The following OGDH variants were observed in gnomAD, a reference collection of about 807,000 sequenced individuals.
OGDH encodes the protein oxoglutarate dehydrogenase.
Under a neutral mutation model 116.6 loss-of-function variants are expected in OGDH, and 38 were observed. The ratio of observed to expected loss-of-function variants is 0.33; its 90% CI spans 0.25 to 0.43. OGDH has a LOEUF of 0.43. Among genes scored for constraint, OGDH ranks in the 20% least tolerant of loss-of-function variants. The pLI, the probability that OGDH is intolerant of heterozygous loss-of-function variation, is 1.00. For synonymous variants in OGDH, 488 were observed against 533.3 expected (o/e 0.92, Z 1.17); for missense variants, 825 against 1,357.2 (o/e 0.61, Z 6.16).
intron 4 of OGDH, among the ~76,000 whole-genome samples, chr7:44,659,416 T>C (rs1786838258): frequency 6.6e-6 from 1 of 152,248 alleles, no homozygotes; most frequent in Non-Finnish European, 1.5e-5. Flanking sequence ...ATAAAATGAA[T>C]TGAGAAGTGT....
intron 10 of OGDH, among the ~76,000 whole-genome samples, chr7:44,692,966 A>G (rs1326774038): frequency 6.6e-6 from 1 of 151,000 alleles, no homozygotes; most frequent in Admixed American, 6.7e-5. Context: ...CGATTGCACC[A>G]CTGCACTCCA....
At chr7:44,613,651 G>A (rs1306732607) in intron 1 of OGDH, among the ~76,000 whole-genome samples, 6 of 150,816 alleles carry the variant, frequency 4.0e-5, no homozygotes, top group Non-Finnish European at 7.4e-5. Flanking sequence ...GAGCCACCAC[G>A]CCCGGCTATA....
At chr7:44,656,421 G>A in intron 4 of OGDH, 2 of 1,464,196 alleles carry the variant, frequency 1.4e-6, no homozygotes, top group Non-Finnish European at 1.8e-6. Context: ...TGAATAGGAT[G>A]TGCAACTTTT....
intron 2 of OGDH, among the ~76,000 whole-genome samples, chr7:44,632,893 G>A (rs1447431769): frequency 6.6e-6 from 1 of 151,306 alleles, no homozygotes; most frequent in African/African-American, 2.4e-5. Context: ...TTATCCTTTT[G>A]TACTGTACTT....
chr7:44,707,554 T>C lies in OGDH; in HGVS notation c.2797-28T>C. On this transcript the variant is annotated intron_variant, in intron 21 of 22. Coordinates refer to ENST00000222673, the MANE Select transcript of OGDH (RefSeq NM_002541.4). This position sits in a 1 kb window ranked among gnomAD's most constrained non-coding sequence, Gnocchi z 5.2. ...CTTGCCTGCCCTCTGAGTTTCCTCT[T>C]TTTGATCTGACCCCTGCTGTCTCCT... The C allele has an allele frequency of 6.2e-7, 1 of 1,612,040 alleles. No homozygotes were observed. The highest frequency in any genetic ancestry group is 8.5e-7 in the Non-Finnish European group (1 of 1,179,404).
At chr7:44,675,335 C>A (rs1787646013) in intron 8 of OGDH, 67 bp downstream of exon 8, 3 of 1,300,018 alleles carry the variant, frequency 2.3e-6, no homozygotes, top group Non-Finnish European at 3.3e-6. Flanking sequence ...GGCTCCACTT[C>A]TTTCTTAGAA....
intron 1 of OGDH, among the ~76,000 whole-genome samples, chr7:44,607,603 C>T (rs978673002): frequency 6.6e-6 from 1 of 152,082 alleles, no homozygotes; most frequent in African/African-American, 2.4e-5. Context: ...TGTACTTTGC[C>T]GTGTAGACCT....
At chr7:44,618,445 T>C (rs1784886215) in intron 1 of OGDH, among the ~76,000 whole-genome samples, 1 of 152,204 alleles carries the variant, frequency 6.6e-6, no homozygotes, top group Non-Finnish European at 1.5e-5. Flanking sequence ...CAACCACTAA[T>C]CTACTTTCTC....
At chr7:44,616,406 A>G (rs1229306092) in intron 1 of OGDH, among the ~76,000 whole-genome samples, 1 of 152,078 alleles carries the variant, frequency 6.6e-6, no homozygotes, top group Non-Finnish European at 1.5e-5. Flanking sequence ...GGATCTGATC[A>G]GGGAGGTGTC....
In OGDH at chr7:44,697,276, G is replaced by C. The variant is rs1026764695; in HGVS notation, c.2052-94G>C. ...TGCCTGGCCAGAAGTCCAGGTCACA[G>C]AGCATGGCATCTGCTGGTGCTTCGT... On this transcript the variant is annotated intron_variant, in intron 15 of 22. Transcript: ENST00000222673. This position sits in a 1 kb window ranked among gnomAD's most constrained non-coding sequence, Gnocchi z 6.0. The C allele has an allele frequency of 6.4e-6, 10 of 1,555,124 alleles. No homozygotes were observed. Among genetic ancestry groups the C allele is most frequent in the Middle Eastern group, 1.7e-4 (1 of 5,892 alleles).
chr7:44,702,190 G>A (rs762005229), intron 20 of OGDH, among the ~76,000 whole-genome samples: 13 of 152,126 alleles, frequency 8.5e-5, no homozygotes, highest in Non-Finnish European at 1.9e-4. Context: ...ACCTGCAAAT[G>A]CCCCCAAGGA....
In OGDH at chr7:44,707,776, C is replaced by A. The variant is rs200351092; in HGVS notation, c.2951+40C>A. On this transcript the variant is annotated intron_variant, in intron 22 of 22. Transcript: ENST00000222673. This position sits in a 1 kb window ranked among gnomAD's most constrained non-coding sequence, Gnocchi z 5.2. ...CCTGCCAGGAAGGCTGTGGGACCCT[C>A]CCCTCAGGCCAGTAGGCAGTTAGCC... 6.2e-7 allele frequency: 1 copy of A among 1,613,244 alleles called. No individual in the cohort carries two copies. The highest frequency in any genetic ancestry group is 8.5e-7 in the Non-Finnish European group (1 of 1,179,512).
intron 4 of OGDH, among the ~76,000 whole-genome samples, chr7:44,665,591 C>T (rs1189681920): frequency 3.3e-5 from 5 of 152,136 alleles, no homozygotes; most frequent in Admixed American, 2.6e-4. Context: ...AAACTACCAC[C>T]GTTAATCCCG....
chr7:44,684,485 AT>A (rs1478711668), intron 10 of OGDH, among the ~76,000 whole-genome samples: 2 of 152,214 alleles, frequency 1.3e-5, no homozygotes, highest in African/African-American at 4.8e-5. Context: ...CAGTGCAAAT[AT>A]AACACACAAT....
chr7:44,683,767 C>G (rs1008725330), intron 10 of OGDH, among the ~76,000 whole-genome samples: 1 of 152,160 alleles, frequency 6.6e-6, no homozygotes, highest in African/African-American at 2.4e-5. Context: ...CTGTGATGAA[C>G]ATTCTCATGA....
intron 5 of OGDH, among the ~76,000 whole-genome samples, chr7:44,669,665 A>C (rs1263648741): frequency 1.3e-5 from 2 of 152,160 alleles, no homozygotes. Flanking sequence ...GAGGGCCTGA[A>C]GCACATTGAA....
intron 9 of OGDH, 149 bp from the exon 10 acceptor site, chr7:44,681,571 G>T: frequency 2.0e-6 from 2 of 986,404 alleles, no homozygotes; most frequent in Non-Finnish European, 3.0e-6. Flanking sequence ...TGGGGATTTG[G>T]GGCCCTGTGG....
At chr7:44,705,046 A>ATTTTTTTTTTTTTTTTTT (rs1585406047) in intron 20 of OGDH, among the ~76,000 whole-genome samples, 1 of 87,684 alleles carries the variant, frequency 1.1e-5, no homozygotes, top group African/African-American at 6.0e-5. Context: ...AAAGTTTTTA[A>ATTTTTTTTTTTTTTTTTT]TTTTCTTTTT....
chr7:44,701,888 A>G (rs1788846692), intron 20 of OGDH, among the ~76,000 whole-genome samples: 3 of 152,150 alleles, frequency 2.0e-5, no homozygotes, highest in African/African-American at 7.2e-5. Context: ...CCTGACCAAC[A>G]TGGAGAAACG....
Sources: allele counts gnomAD v4.1 joint callset (sites outside exome capture counted in the v4.1 genomes callset), GRCh38; gene constraint gnomAD v4.1.1; non-coding constraint Gnocchi (gnomAD v3.1); transcripts MANE v1.5; gene names NCBI Gene and HGNC (gene_info 2026-07-23, HGNC 2026-07-21).